Variants in ARHGAP35 observed in about 807,000 individuals in gnomAD.
The protein encoded by ARHGAP35 is rho GTPase-activating protein 35.
Under a neutral mutation model 111.1 loss-of-function variants are expected in ARHGAP35, and 15 were observed. The ratio of observed to expected loss-of-function variants is 0.13; its 90% CI spans 0.09 to 0.21. The LOEUF (loss-of-function observed/expected upper bound fraction) is 0.21. ARHGAP35 is among the 10% of genes least tolerant of loss of function. ARHGAP35 has a pLI of 1.00. For missense variants in ARHGAP35, 1,262 were observed against 1,873.0 expected (o/e 0.67, Z 6.02); for synonymous variants, 643 against 710.3 (o/e 0.91, Z 1.51).
chr19:46,979,394 C>T (rs1340989370), intron 3 of ARHGAP35, among the ~76,000 whole-genome samples: 3 of 152,130 alleles, frequency 2.0e-5, no homozygotes, highest in African/African-American at 7.2e-5. Flanking sequence ...GATTATGGAC[C>T]ACACTCTTCC....
intron 2 of ARHGAP35, among the ~76,000 whole-genome samples, chr19:46,925,870 T>A (rs1256163555): frequency 1.3e-5 from 2 of 152,150 alleles, no homozygotes; most frequent in Non-Finnish European, 2.9e-5. Context: ...GTGTCAGCTG[T>A]CATCATTTAA....
intron 1 of ARHGAP35, among the ~76,000 whole-genome samples, chr19:46,891,778 A>G (rs1173159183): frequency 6.6e-6 from 1 of 151,986 alleles, no homozygotes; most frequent in South Asian, 2.1e-4. Context: ...AGTCCATTCT[A>G]TTTTCTGGGA....
At chr19:46,864,153 G>T (rs1599787472) in intron 1 of ARHGAP35, among the ~76,000 whole-genome samples, 1 of 152,234 alleles carries the variant, frequency 6.6e-6, no homozygotes, top group East Asian at 1.9e-4. Flanking sequence ...AGAAAGGGGT[G>T]CCAGGAACTG....
intron 1 of ARHGAP35, among the ~76,000 whole-genome samples, chr19:46,890,794 T>C (rs1214293893): frequency 2.0e-5 from 3 of 152,204 alleles, no homozygotes; most frequent in Non-Finnish European, 4.4e-5. Flanking sequence ...ACTTAAAAAC[T>C]ATTGACTCTA....
intron 1 of ARHGAP35, among the ~76,000 whole-genome samples, chr19:46,910,053 A>G (rs941737665): frequency 2.0e-5 from 3 of 152,192 alleles, no homozygotes; most frequent in Non-Finnish European, 2.9e-5. Flanking sequence ...AGACTGTGTT[A>G]ATTTGTTGGG....
At chr19:46,984,920 G>A (rs2056640868) in intron 3 of ARHGAP35, among the ~76,000 whole-genome samples, 1 of 152,350 alleles carries the variant, frequency 6.6e-6, no homozygotes, top group African/African-American at 2.4e-5. Flanking sequence ...GTCACCAGAA[G>A]GTGATGTGCG....
chr19:47,000,583 G>A lies in ARHGAP35; in HGVS notation c.4395G>A (p.Thr1465=), dbSNP rs774566773. ...VASTVPFLTS[T]PVTSQPSPPQ... ...CCACCGTCCCCTTCCTCACTTCCAC[G>A]CCTGTCACAAGTCAGCCGTCGCCCC... The change falls in exon 7 of 7, where the codon ACG becomes ACA. Residue 1465 remains threonine, a synonymous_variant. Transcript: ENST00000672722. The surrounding 1 kb of genome is among the most constrained non-coding windows in gnomAD (Gnocchi z 6.9). 3.9e-5 allele frequency: 62 copies of A among 1,610,274 alleles called. No homozygotes were observed. In the East Asian group the frequency reaches 5.4e-4, roughly 14 times the overall value.
rs1689406967 is a variant in ARHGAP35, at chr19:46,901,262, T to A, written c.-188-17226T>A. 1.3e-5 allele frequency among the ~76,000 whole-genome samples: 2 copies of A among 151,894 alleles called. No individual in the cohort carries two copies. The highest frequency in any genetic ancestry group is 4.2e-4 in the South Asian group (2 of 4,800). On this transcript the variant is annotated intron_variant, in intron 1 of 6. Transcript: ENST00000672722. This position sits in a 1 kb window ranked among gnomAD's most constrained non-coding sequence, Gnocchi z 4.5. ...ACATAGGGAATAAGAATTTGAGGGT[T>A]TAATATAAGAGCAGGCCAGGCATAG...
chr19:46,959,698 C>T (rs2056465734), intron 3 of ARHGAP35, among the ~76,000 whole-genome samples: 1 of 150,854 alleles, frequency 6.6e-6, no homozygotes, highest in South Asian at 2.1e-4. Flanking sequence ...CTGCACCCAC[C>T]CAAAAACCTC....
intron 3 of ARHGAP35, chr19:46,948,504 C>A (rs1354485967): frequency 1.3e-5 from 2 of 152,214 alleles, no homozygotes; most frequent in African/African-American, 4.8e-5. Context: ...ATGACAGCCC[C>A]AAACTAGGAG....
At position 46,989,731 on chromosome 19, in the gene ARHGAP35, G is replaced by T; in HGVS notation, c.4036+56G>T. The stretch of plus-strand genomic sequence containing the variant: ...TTGAGGGAGAAAGGGCTTGGCACTG[G>T]AAGAATAGGTCCTGCCCTCAGAATG... On this transcript the variant is annotated intron_variant, in intron 5 of 6. Coordinates refer to ENST00000672722, the MANE Select transcript of ARHGAP35 (RefSeq NM_004491.5). The surrounding 1 kb of genome is among the most constrained non-coding windows in gnomAD (Gnocchi z 5.3). 3 of 1,608,216 alleles carry T rather than the reference G, an allele frequency of 1.9e-6. No individual in the cohort carries two copies. The highest frequency in any genetic ancestry group is 1.7e-6 in the Non-Finnish European group (2 of 1,177,476).
chr19:46,953,068 G>A (rs1172538685), intron 3 of ARHGAP35, among the ~76,000 whole-genome samples: 11 of 151,938 alleles, frequency 7.2e-5, no homozygotes, highest in African/African-American at 1.9e-4. Context: ...TCCTTTTTTC[G>A]CATATTCAGC....
Position 46,919,577 on chromosome 19 carries a change from C to T in ARHGAP35, c.902C>T (p.Ala301Val), listed in dbSNP as rs775573690. The change falls in exon 2 of 7, where the codon GCC (alanine) becomes GTC (valine). Residue 301 changes from alanine to valine, a missense_variant. Physicochemically the swap from Ala to Val is moderately conservative, Grantham distance 64. This residue lies in a region of ARHGAP35 where 328 missense variants were observed against 440.8 expected (regional missense o/e 0.74). Transcript: ENST00000672722. The surrounding 1 kb of genome is among the most constrained non-coding windows in gnomAD (Gnocchi z 6.2). Reference protein sequence around the residue: ...NWLSVSRKMQASPEYQDYVYL... With the variant: ...NWLSVSRKMQVSPEYQDYVYL... ...CTGAGTGTCAGCCGAAAGATGCAGG[C>T]CTCTCCAGAATACCAGGACTATGTC... is the stretch of plus-strand genomic sequence containing the variant. 1.2e-6 allele frequency: 2 copies of T among 1,613,770 alleles called. No individual in the cohort carries two copies. Among genetic ancestry groups the T allele is most frequent in the African/African-American group, 2.7e-5 (2 of 74,910 alleles).
intron 3 of ARHGAP35, among the ~76,000 whole-genome samples, chr19:46,953,108 G>A (rs905881742): frequency 6.6e-6 from 1 of 152,208 alleles, no homozygotes; most frequent in African/African-American, 2.4e-5. Context: ...TATACTATGT[G>A]CCATGCACTG....
In ARHGAP35 at chr19:46,897,482, A is replaced by G. The variant is rs550899802; in HGVS notation, c.-188-21006A>G. Among the ~76,000 whole-genome samples the G allele has an allele frequency of 1.5e-4, 22 of 145,496 alleles. 1 individual carries two copies. The highest frequency in any genetic ancestry group is 7.9e-4 in the East Asian group (4 of 5,034). On this transcript the variant is annotated intron_variant, in intron 1 of 6. Transcript: ENST00000672722. ...TTTTTTACGACCTCCAACACTTTCT[A>G]TTTATCTTGGCTTAATATAATACCT...
intron 5 of ARHGAP35, among the ~76,000 whole-genome samples, chr19:46,996,487 C>A (rs1008246978): frequency 2.1e-5 from 3 of 145,462 alleles, no homozygotes; most frequent in Non-Finnish European, 4.5e-5. Flanking sequence ...ACCCGCCTTG[C>A]TACTCATCAG....
intron 1 of ARHGAP35, among the ~76,000 whole-genome samples, chr19:46,914,639 A>G (rs1332093273): frequency 2.0e-5 from 3 of 152,138 alleles, no homozygotes; most frequent in African/African-American, 7.2e-5. Flanking sequence ...AATCAGTTCT[A>G]CATTATTCAG....
chr19:46,919,056 A>C lies in ARHGAP35; in HGVS notation c.381A>C (p.Ser127=). 1 of 1,614,048 alleles carries C rather than the reference A, an allele frequency of 6.2e-7. No individual in the cohort carries two copies. Among genetic ancestry groups the C allele is most frequent in the Non-Finnish European group, 8.5e-7 (1 of 1,179,900 alleles). Residue 127 remains serine (S), a synonymous_variant, in exon 2 of 7, where the codon TCA becomes TCC. Coordinates refer to ENST00000672722, the MANE Select transcript of ARHGAP35 (RefSeq NM_004491.5). This position sits in a 1 kb window ranked among gnomAD's most constrained non-coding sequence, Gnocchi z 6.2. ...IKRAAATKLA[S]AEKLMYFCTD... is the part of the protein sequence containing the mutation. ...GAGCTGCTGCGACCAAGCTTGCATC[A>C]GCTGAAAAACTCATGTACTTTTGCA...
chr19:46,963,823 G>A (rs2056498213), intron 3 of ARHGAP35, among the ~76,000 whole-genome samples: 1 of 152,102 alleles, frequency 6.6e-6, no homozygotes, highest in Non-Finnish European at 1.5e-5. Flanking sequence ...GCCAGCAGAT[G>A]CCATGCTGTA....
Sources: allele counts gnomAD v4.1 joint callset (sites outside exome capture counted in the v4.1 genomes callset), GRCh38; gene constraint gnomAD v4.1.1; regional missense constraint gnomAD v4.1.1; non-coding constraint Gnocchi (gnomAD v3.1); transcripts MANE v1.5; gene names NCBI Gene and HGNC (gene_info 2026-07-23, HGNC 2026-07-21).